Variants in PRKCA observed in about 807,000 individuals in gnomAD.
The protein encoded by PRKCA is protein kinase C alpha type.
PRKCA carries 27 observed loss-of-function variants against 87.0 expected under a neutral mutation model. The ratio of observed to expected loss-of-function variants is 0.31; its 90% CI spans 0.23 to 0.43. The LOEUF (loss-of-function observed/expected upper bound fraction) is 0.43, where lower values mean the gene tolerates loss of function less well. Ranked by LOEUF, PRKCA falls within the 20% of genes least tolerant of loss-of-function variation. The pLI is 1.00. For missense variants in PRKCA, 518 were observed against 852.3 expected (o/e 0.61, Z 4.88); for synonymous variants, 329 against 311.1 (o/e 1.06, Z -0.61).
At chr17:66,774,487 G>A (rs1157399929) in intron 14 of PRKCA, 2 of 685,298 alleles carry the variant, frequency 2.9e-6, no homozygotes, top group Admixed American at 4.8e-5. Context: ...CAGGCGTGGT[G>A]GTGCACATCT....
chr17:66,587,675 ACGTATATGTGTG>A (rs1328485452), intron 3 of PRKCA, among the ~76,000 whole-genome samples: 7 of 149,014 alleles, frequency 4.7e-5, no homozygotes, highest in Non-Finnish European at 4.5e-5. Context: ...ATACATATAT[ACGTATATGTGTG>A]TGTATATGTA....
At chr17:66,547,023 C>T (rs983023780) in intron 3 of PRKCA, among the ~76,000 whole-genome samples, 1 of 152,184 alleles carries the variant, frequency 6.6e-6, no homozygotes, top group African/African-American at 2.4e-5. Flanking sequence ...CCTACTACTA[C>T]TGACTAAGGT....
chr17:66,530,609 G>A (rs991511516), intron 3 of PRKCA, among the ~76,000 whole-genome samples: 12 of 152,132 alleles, frequency 7.9e-5, no homozygotes, highest in African/African-American at 2.9e-4. Flanking sequence ...AAGAGAGCAG[G>A]TGTTGGCTTC....
chr17:66,719,761 C>T (rs1023910792), intron 8 of PRKCA, among the ~76,000 whole-genome samples: 2 of 152,188 alleles, frequency 1.3e-5, no homozygotes, highest in East Asian at 1.9e-4. Flanking sequence ...AGCGAGACTC[C>T]GTCTCAAAAA....
At chr17:66,587,831 GTA>G (rs1198763159) in intron 3 of PRKCA, among the ~76,000 whole-genome samples, 1 of 115,560 alleles carries the variant, frequency 8.7e-6, no homozygotes, top group African/African-American at 3.0e-5. Context: ...ACATATATAC[GTA>G]TATGTGTGTA....
intron 2 of PRKCA, among the ~76,000 whole-genome samples, chr17:66,485,353 A>G (rs1401155396): frequency 1.3e-5 from 2 of 152,202 alleles, no homozygotes; most frequent in Non-Finnish European, 2.9e-5. Context: ...AGTTTTCAGG[A>G]TATTTTCTCT....
chr17:66,512,275 C>G (rs1480733995), intron 3 of PRKCA, among the ~76,000 whole-genome samples: 6 of 152,112 alleles, frequency 3.9e-5, no homozygotes, highest in African/African-American at 1.4e-4. Flanking sequence ...AACCCCGTCT[C>G]TACTAAAAAT....
intron 2 of PRKCA, among the ~76,000 whole-genome samples, chr17:66,465,801 A>C (rs1333838951): frequency 6.6e-6 from 1 of 151,884 alleles, no homozygotes; most frequent in Non-Finnish European, 1.5e-5. Context: ...CCATTCCACA[A>C]CCTCTTTCCA....
At chr17:66,651,031 G>C (rs994274726) in intron 5 of PRKCA, among the ~76,000 whole-genome samples, 7 of 152,150 alleles carry the variant, frequency 4.6e-5, no homozygotes, top group African/African-American at 1.7e-4. Flanking sequence ...ACCTGCAGTG[G>C]GAGTTTGGGA....
chr17:66,789,085 G>A (rs9898776), intron 16 of PRKCA, 106 bp downstream of exon 16: 131,167 of 1,406,574 alleles, frequency 0.093, 8,382 homozygotes, highest in African/African-American at 0.32. Flanking sequence ...CCCCTGGCTT[G>A]TACAGGGTGA....
chr17:66,617,654 A>T (rs1303534957), intron 3 of PRKCA, among the ~76,000 whole-genome samples: 1 of 152,212 alleles, frequency 6.6e-6, no homozygotes, highest in Non-Finnish European at 1.5e-5. Context: ...ACAAATGGGC[A>T]CATAGTTTAC....
intron 3 of PRKCA, among the ~76,000 whole-genome samples, chr17:66,557,890 A>C (rs902646733): frequency 6.6e-6 from 1 of 152,180 alleles, no homozygotes; most frequent in East Asian, 1.9e-4. Context: ...TCTGGATAGA[A>C]GTTCCGATCC....
Position 66,741,670 on chromosome 17 carries a change from C to G in PRKCA, c.1334C>G (p.Ala445Gly). Reference protein sequence around the residue: ...FKEPQAVFYAAEISIGLFFLH... With the variant: ...FKEPQAVFYAGEISIGLFFLH... ...GTTTTCTTTTGCAGATTCTATGCGG[C>G]AGAGATTTCCATCGGATTGTTCTTT... is the stretch of plus-strand genomic sequence containing the variant. Residue 445 changes from alanine to glycine, a missense_variant, in exon 12 of 17, where the codon GCA becomes GGA. Around this residue, in one of 5 missense-constraint regions of PRKCA, gnomAD observed 300 missense variants for 496.8 expected, o/e 0.60. Coordinates refer to ENST00000413366, the MANE Select transcript of PRKCA (RefSeq NM_002737.3). 2 of 1,614,124 alleles carry G rather than the reference C, an allele frequency of 1.2e-6. No individual in the cohort carries two copies. The highest frequency in any genetic ancestry group is 1.7e-6 in the Non-Finnish European group (2 of 1,180,008).
At chr17:66,681,933 A>G (rs983951389) in intron 5 of PRKCA, among the ~76,000 whole-genome samples, 3 of 152,124 alleles carry the variant, frequency 2.0e-5, no homozygotes, top group Admixed American at 2.0e-4. Context: ...CCACATCTCC[A>G]CTTTTCATCA....
At chr17:66,480,478 G>A (rs145119316) in intron 2 of PRKCA, among the ~76,000 whole-genome samples, 22 of 152,218 alleles carry the variant, frequency 1.4e-4, no homozygotes, top group African/African-American at 4.8e-4. Flanking sequence ...AGGCTTTGTC[G>A]CAAAAGCTCA....
intron 2 of PRKCA, among the ~76,000 whole-genome samples, chr17:66,361,343 G>A (rs538152239): frequency 2.0e-5 from 3 of 149,934 alleles, no homozygotes; most frequent in East Asian, 3.9e-4. Flanking sequence ...ACAGGGTCTC[G>A]CTCTGTTGCC....
chr17:66,669,080 T>A (rs1972110655), intron 5 of PRKCA, among the ~76,000 whole-genome samples: 5 of 149,852 alleles, frequency 3.3e-5, no homozygotes. Context: ...CCAGCCTGAG[T>A]GACATAGTGA....
At chr17:66,313,392 A>C (rs1318901861) in intron 2 of PRKCA, among the ~76,000 whole-genome samples, 1 of 152,220 alleles carries the variant, frequency 6.6e-6, no homozygotes, top group African/African-American at 2.4e-5. Context: ...GGGAGCAGAA[A>C]ATTCTACCTT....
intron 5 of PRKCA, among the ~76,000 whole-genome samples, chr17:66,686,083 A>G (rs1002306418): frequency 6.6e-6 from 1 of 152,212 alleles, no homozygotes; most frequent in African/African-American, 2.4e-5. Flanking sequence ...GAAAGATGCC[A>G]TGGGAAGATA....
Sources: allele counts gnomAD v4.1 joint callset (sites outside exome capture counted in the v4.1 genomes callset), GRCh38; gene constraint gnomAD v4.1.1; regional missense constraint gnomAD v4.1.1; transcripts MANE v1.5; gene names NCBI Gene and HGNC (gene_info 2026-07-23, HGNC 2026-07-21).